The following PPP2R2B variants were observed in gnomAD, a reference collection of about 807,000 sequenced individuals.
The protein encoded by PPP2R2B is serine/threonine-protein phosphatase 2A 55 kDa regulatory subunit B beta isoform.
In PPP2R2B, 5 loss-of-function variants were observed where a neutral mutation model predicts 46.0. The observed-to-expected ratio is 0.11, with a 90% confidence interval of 0.06 to 0.23. The LOEUF (loss-of-function observed/expected upper bound fraction) is 0.23, where lower values mean the gene tolerates loss of function less well. PPP2R2B is among the 10% of genes least tolerant of loss of function. The pLI, the probability that PPP2R2B is intolerant of heterozygous loss-of-function variation, is 1.00. For synonymous variants in PPP2R2B, 215 were observed against 206.7 expected, an observed-to-expected ratio of 1.04 and a Z score of -0.34; for missense variants, 367 against 575.0, an observed-to-expected ratio of 0.64 and a Z score of 3.70.
Position 146,706,535 on chromosome 5 carries a change from C to T in PPP2R2B, c.71-5393G>A, listed in dbSNP as rs1277322407. Reference sequence around the variant, plus strand: ...CACGCAGCTGCCGCGCCATGTCCTACTTGGTCTGCTGAAGGGCGGCCTCCA... The same window carrying T: ...CACGCAGCTGCCGCGCCATGTCCTATTTGGTCTGCTGAAGGGCGGCCTCCA... On this transcript the variant is annotated intron_variant, in intron 2 of 9. Transcript: ENST00000394411. 4.4e-6 allele frequency: 5 copies of T among 1,144,164 alleles called. No homozygotes were observed. The Admixed American group carries it at 5.2e-5, about 12-fold the overall frequency. 70.9% of individuals were successfully genotyped at this position (1,144,164 alleles called of 1,614,324 possible).
At chr5:146,808,401 C>G (rs1370853334) in intron 2 of PPP2R2B, among the ~76,000 whole-genome samples, 1 of 152,164 alleles carries the variant, frequency 6.6e-6, no homozygotes, top group Non-Finnish European at 1.5e-5. Context: ...TGCTGAAAAT[C>G]ATCACTCTAT....
chr5:146,893,932 G>T (rs1382840037), intron 1 of PPP2R2B, among the ~76,000 whole-genome samples: 1 of 149,408 alleles, frequency 6.7e-6, no homozygotes, highest in African/African-American at 2.5e-5. Context: ...TCTAATTCCA[G>T]CTACTCGGGA....
At chr5:146,814,409 G>C (rs1228989104) in intron 2 of PPP2R2B, among the ~76,000 whole-genome samples, 1 of 152,172 alleles carries the variant, frequency 6.6e-6, no homozygotes, top group African/African-American at 2.4e-5. Flanking sequence ...CACACACCAG[G>C]AATGTCAGGA....
rs1353930534 is a variant in PPP2R2B at position 146,680,469 on chromosome 5, G to A, written c.447+10659C>T. Among the ~76,000 whole-genome samples the A allele has an allele frequency of 1.1e-4, 16 of 151,278 alleles. 1 individual carries two copies. Among genetic ancestry groups the A allele is most frequent in the Admixed American group, 4.0e-4 (6 of 15,178 alleles). ...TAGATGACGAGTTAGTGGGTGCAGC[G>A]CACCAGCATGGCACATGTATACATA... On this transcript the variant is annotated intron_variant, in intron 5 of 9. Transcript: ENST00000394411.
intron 4 of PPP2R2B, among the ~76,000 whole-genome samples, chr5:146,697,227 T>C (rs1779226262): frequency 6.6e-6 from 1 of 152,242 alleles, no homozygotes; most frequent in Non-Finnish European, 1.5e-5. Context: ...TGTTATGCTA[T>C]TCAATTAGCA....
chr5:146,584,579 C>T lies in PPP2R2B; in HGVS notation c.*5368G>A, dbSNP rs1474408634. On this transcript the variant is annotated 3_prime_UTR_variant, in exon 10 of 10. Coordinates refer to ENST00000394411, the MANE Select transcript of PPP2R2B (RefSeq NM_181675.4). ...CTAACCCTTTTGAGTCTGTTTCTCG[C>T]TATAAAAATGGAATAATACATCTAC... is the stretch of plus-strand genomic sequence containing the variant. The T allele has an allele frequency of 6.6e-6, 1 of 152,134 alleles. No homozygotes were observed. The highest frequency in any genetic ancestry group is 1.5e-5 in the Non-Finnish European group (1 of 68,026). The allele number at this position is 152,134 out of a possible 1,614,324, so 9.4% of individuals were successfully genotyped here.
intron 2 of PPP2R2B, 36 bp from the exon 3 acceptor site, chr5:146,701,178 G>T: frequency 1.4e-6 from 2 of 1,477,808 alleles, no homozygotes; most frequent in Non-Finnish European, 1.9e-6. Context: ...TTAAGTAACT[G>T]CACACTTACT....
At chr5:147,008,270 T>C (rs953754987) in intron 1 of PPP2R2B, among the ~76,000 whole-genome samples, 4 of 152,158 alleles carry the variant, frequency 2.6e-5, no homozygotes, top group Non-Finnish European at 5.9e-5. Flanking sequence ...TTTGTCAGGC[T>C]CTAGTTTCTT....
rs551984518 is a variant in PPP2R2B at position 146,589,724 on chromosome 5, G to T, written c.*223C>A. 6.1e-5 allele frequency: 32 copies of T among 522,530 alleles called. No individual in the cohort carries two copies. The East Asian group carries it at 9.1e-4, about 15-fold the overall frequency. The allele number at this position is 522,530 out of a possible 1,614,324, so 32.4% of individuals were successfully genotyped here. ...ACTATGGAAGAATTACTGTTAGCTG[G>T]CAGCTTTCAATTCTAAACAGAAGTG... is the stretch of plus-strand genomic sequence containing the variant. On this transcript the variant is annotated 3_prime_UTR_variant, in exon 10 of 10. Transcript: ENST00000394411.
intron 2 of PPP2R2B, among the ~76,000 whole-genome samples, chr5:146,763,754 G>A (rs1302820963): frequency 6.6e-6 from 1 of 152,128 alleles, no homozygotes; most frequent in Non-Finnish European, 1.5e-5. Context: ...CAAAGGTCTT[G>A]CTCTGTCTCT....
Position 146,698,317 on chromosome 5 carries a change from AATAT to A in PPP2R2B, c.169-177_169-174del, listed in dbSNP as rs35533710. On this transcript the variant is annotated intron_variant, in intron 3 of 9. Coordinates refer to ENST00000394411, the MANE Select transcript of PPP2R2B (RefSeq NM_181675.4). ...ACCTCTGAAAAAAAAAAAAAAAAAA[AATAT>A]ATATATATATATATATATATATATA... 9.4e-3 allele frequency among the ~76,000 whole-genome samples: 803 copies of A among 85,492 alleles called. 34 individuals carry two copies. Among genetic ancestry groups the A allele is most frequent in the Middle Eastern group, 0.011 (1 of 90 alleles). The allele number at this position is 85,492 out of a possible 152,430, so 56.1% of individuals were successfully genotyped here. A position where few individuals can be genotyped will look rare whatever the true frequency, so the allele number is the denominator to read the frequency against.
At chr5:146,661,334 A>T (rs1213740751) in intron 5 of PPP2R2B, among the ~76,000 whole-genome samples, 1 of 152,210 alleles carries the variant, frequency 6.6e-6, no homozygotes, top group Non-Finnish European at 1.5e-5. Context: ...ACACAGTCCA[A>T]ATCTAGGGTG....
intron 7 of PPP2R2B, among the ~76,000 whole-genome samples, chr5:146,624,574 C>T (rs193154027): frequency 6.6e-6 from 1 of 152,346 alleles, no homozygotes; most frequent in Admixed American, 6.5e-5. Context: ...CCAGCATCTA[C>T]TCTTCCTCCT....
chr5:147,065,742 A>G (rs1016977224), intron 2 of PPP2R2B, among the ~76,000 whole-genome samples: 4 of 152,106 alleles, frequency 2.6e-5, no homozygotes, highest in Non-Finnish European at 5.9e-5. Flanking sequence ...TGTTGAAGGA[A>G]GTTAGGAAGG....
At chr5:146,820,672 C>T (rs1758202379) in intron 2 of PPP2R2B, among the ~76,000 whole-genome samples, 1 of 152,078 alleles carries the variant, frequency 6.6e-6, no homozygotes, top group African/African-American at 2.4e-5. Context: ...TTTCCAAATC[C>T]ACTTGCAACA....
chr5:147,012,653 T>G (rs1295730921), intron 1 of PPP2R2B, among the ~76,000 whole-genome samples: 1 of 151,710 alleles, frequency 6.6e-6, no homozygotes, highest in Non-Finnish European at 1.5e-5. Context: ...GCTTTTCTAG[T>G]TCTTTTAATT....
intron 1 of PPP2R2B, among the ~76,000 whole-genome samples, chr5:146,940,312 T>A (rs1764280572): frequency 1.3e-5 from 2 of 152,170 alleles, no homozygotes; most frequent in Admixed American, 1.3e-4. Context: ...CCAGGATAGT[T>A]GATTCAAATG....
At chr5:146,599,197 C>T (rs1443248275) in intron 8 of PPP2R2B, among the ~76,000 whole-genome samples, 2 of 152,116 alleles carry the variant, frequency 1.3e-5, no homozygotes, top group Non-Finnish European at 2.9e-5. Flanking sequence ...CTATACAATG[C>T]CTTTTCCTTT....
intron 7 of PPP2R2B, among the ~76,000 whole-genome samples, chr5:146,626,017 C>G (rs550125481): frequency 7.2e-5 from 11 of 152,290 alleles, no homozygotes; most frequent in South Asian, 4.2e-4. Context: ...AACATTCCCC[C>G]CTAGAGCCTC....
Sources: allele counts gnomAD v4.1 joint callset (sites outside exome capture counted in the v4.1 genomes callset), GRCh38; gene constraint gnomAD v4.1.1; transcripts MANE v1.5; gene names NCBI Gene and HGNC (gene_info 2026-07-23, HGNC 2026-07-21).